Variants in CCNJL observed in about 807,000 individuals in gnomAD.
CCNJL encodes the protein cyclin J like, also known as cyclin-J-like protein.
In CCNJL, 33 loss-of-function variants were observed where a neutral mutation model predicts 33.4. That is an observed-to-expected ratio of 0.99 (90% CI 0.75 to 1.32). The LOEUF (loss-of-function observed/expected upper bound fraction) is 1.32, where lower values mean the gene tolerates loss of function less well. Ranked by LOEUF, CCNJL falls within the 40% of genes most tolerant of loss-of-function variation. The pLI is 0.00. For synonymous variants in CCNJL, 227 were observed against 220.9 expected, an observed-to-expected ratio of 1.03 and a Z score of -0.24; for missense variants, 512 against 499.7, an observed-to-expected ratio of 1.02 and a Z score of -0.23.
chr5:160,288,071 C>T (rs1406822327), intron 2 of CCNJL, among the ~76,000 whole-genome samples: 4 of 152,108 alleles, frequency 2.6e-5, no homozygotes, highest in African/African-American at 9.7e-5. Context: ...AAAAAGAAAT[C>T]CACCTTACAA....
chr5:160,321,067 TTTCTTTCTTTC>T (rs1411561511), intron 1 of CCNJL, among the ~76,000 whole-genome samples: 1,324 of 108,286 alleles, frequency 0.012, 96 homozygotes, highest in African/African-American at 0.056. Context: ...TCTTTCTTTC[TTTCTTTCTTTC>T]TTTCTTTCTT....
chr5:160,280,514 T>G lies in CCNJL; in HGVS notation c.280+11A>C, dbSNP rs1351967924. ...GCACAAGCGCGGAGGAAGACGTAGG[T>G]TTTCGCTTACTTGCAAGCAGGAGGC... On this transcript the variant is annotated intron_variant, in intron 3 of 5. Transcript: ENST00000257536. 9 of 1,609,002 alleles carry G rather than the reference T, an allele frequency of 5.6e-6. No homozygotes were observed. The highest frequency in any genetic ancestry group is 7.6e-6 in the Non-Finnish European group (9 of 1,178,586).
intron 2 of CCNJL, among the ~76,000 whole-genome samples, chr5:160,283,010 CATATATATATATAT>C (rs1160073062): frequency 3.6e-5 from 1 of 27,948 alleles, no homozygotes; most frequent in African/African-American, 1.7e-4. Context: ...TATATATATA[CATATATATATATAT>C]ATACCTAAGA....
At chr5:160,316,236 C>T (rs1763377576), upstream of CCNJL, among the ~76,000 whole-genome samples, 1 of 152,134 alleles carries the variant, frequency 6.6e-6, no homozygotes, top group Non-Finnish European at 1.5e-5. Flanking sequence ...ATCACTTCTC[C>T]CATCCACCCC....
chr5:160,280,436 T>G, intron 3 of CCNJL, 89 bp downstream of exon 3: 1 of 1,079,198 alleles, frequency 9.3e-7, no homozygotes, highest in Non-Finnish European at 1.4e-6. Context: ...GCAAAGATCG[T>G]CAAAATGTAA....
In CCNJL at chr5:160,311,885, C is replaced by T. The variant is rs576590793; in HGVS notation, c.39G>A (p.Ser13=). The T allele has an allele frequency of 1.4e-5, 23 of 1,614,190 alleles. No homozygotes were observed. The South Asian group carries it at 2.1e-4, about 15-fold the overall frequency. The change falls in exon 2 of 6, where the codon TCG becomes TCA. Residue 13 remains serine (S), a synonymous_variant. Coordinates refer to ENST00000257536, the MANE Select transcript of CCNJL (RefSeq NM_001308173.3). ...DEPWWEGRVA[S]DVHCTLREKE... is the part of the protein sequence containing the mutation. The stretch of plus-strand genomic sequence containing the variant: ...TCTCGCGCAGGGTGCAGTGGACGTC[C>T]GAGGCGACGCGCCCTTCCCACCACG...
rs189752697 is a variant in CCNJL, at chr5:160,302,947, G to A, written c.66+8911C>T. Among the ~76,000 whole-genome samples the A allele has an allele frequency of 1.8e-3, 270 of 152,296 alleles. 1 individual carries two copies. The highest frequency in any genetic ancestry group is 3.4e-3 in the Non-Finnish European group (228 of 68,020). On this transcript the variant is annotated intron_variant, in intron 2 of 5. Coordinates refer to ENST00000257536, the MANE Select transcript of CCNJL (RefSeq NM_001308173.3). Reference sequence around the variant, plus strand: ...TTCTTATGCACAGAATAGGATTCACGAGAAATTGGGGTCAGTGGTATCTTC... The same window carrying A: ...TTCTTATGCACAGAATAGGATTCACAAGAAATTGGGGTCAGTGGTATCTTC...
chr5:160,312,588 C>A (rs1403893033), upstream of CCNJL: 2 of 151,620 alleles, frequency 1.3e-5, no homozygotes, highest in Admixed American at 1.3e-4. Flanking sequence ...CTCCCTCCCT[C>A]GCTGGGGGAA....
intron 1 of CCNJL, among the ~76,000 whole-genome samples, chr5:160,338,872 A>G (rs971158711): frequency 1.3e-5 from 2 of 151,804 alleles, no homozygotes; most frequent in African/African-American, 4.8e-5. Flanking sequence ...GCTCATTGCC[A>G]CTTCTACCTC....
At chr5:160,276,550 T>C (rs1220827759) in intron 3 of CCNJL, 1 of 152,148 alleles carries the variant, frequency 6.6e-6, no homozygotes, top group Non-Finnish European at 1.5e-5. Context: ...ATCCCCTTTA[T>C]ATAAAATAGC....
At chr5:160,280,933 A>C in intron 2 of CCNJL, 195 bp from the exon 3 acceptor site, 4 of 689,258 alleles carry the variant, frequency 5.8e-6, no homozygotes, top group Non-Finnish European at 5.3e-6. Flanking sequence ...GCACAGGCTC[A>C]TAAAGTATCA....
intron 2 of CCNJL, among the ~76,000 whole-genome samples, chr5:160,294,318 G>A (rs1762682441): frequency 6.6e-6 from 1 of 152,184 alleles, no homozygotes. Flanking sequence ...GGTGGCCCGT[G>A]TCACATAAGG....
intron 1 of CCNJL, among the ~76,000 whole-genome samples, chr5:160,336,937 CAT>C (rs1294226302): frequency 6.6e-6 from 1 of 151,986 alleles, no homozygotes; most frequent in Non-Finnish European, 1.5e-5. Flanking sequence ...GCCAAGCTCC[CAT>C]CATCCCTTGC....
chr5:160,256,065 T>G (rs1333475448), intron 4 of CCNJL, among the ~76,000 whole-genome samples: 1 of 152,150 alleles, frequency 6.6e-6, no homozygotes, highest in Non-Finnish European at 1.5e-5. Flanking sequence ...ATTTTCGTAT[T>G]TTTTTGAGAG....
intron 3 of CCNJL, among the ~76,000 whole-genome samples, chr5:160,276,984 G>A (rs1762036191): frequency 6.6e-6 from 1 of 151,986 alleles, no homozygotes; most frequent in African/African-American, 2.4e-5. Context: ...GTAGAGACAG[G>A]GTTTCTCCAT....
chr5:160,303,504 C>T (rs1441316625), intron 2 of CCNJL, among the ~76,000 whole-genome samples: 1 of 149,762 alleles, frequency 6.7e-6, no homozygotes, highest in Non-Finnish European at 1.5e-5. Flanking sequence ...CTGCACTCGG[C>T]CGGTATTTTC....
intron 2 of CCNJL, among the ~76,000 whole-genome samples, chr5:160,281,638 C>T (rs1762218890): frequency 1.3e-5 from 2 of 150,576 alleles, no homozygotes; most frequent in Admixed American, 1.3e-4. Context: ...AGATTAGACA[C>T]TATTTGTTTG....
intron 1 of CCNJL, among the ~76,000 whole-genome samples, chr5:160,322,059 G>A (rs946750295): frequency 6.6e-6 from 1 of 152,184 alleles, no homozygotes; most frequent in African/African-American, 2.4e-5. Context: ...GGGAAGAGGT[G>A]AAGGGAGTGA....
chr5:160,336,356 A>C (rs779608798), intron 1 of CCNJL, among the ~76,000 whole-genome samples: 6 of 152,254 alleles, frequency 3.9e-5, no homozygotes, highest in Admixed American at 6.5e-5. Flanking sequence ...CTTATAAGAC[A>C]CAAAGAGAGG....
Sources: gnomAD v4.1 joint callset for allele counts (sites outside exome capture counted in the v4.1 genomes callset) on GRCh38, gnomAD v4.1.1 for gene constraint, MANE v1.5 for transcripts, NCBI Gene and HGNC (gene_info 2026-07-23, HGNC 2026-07-21) for gene names.